WDFY2: variants seen among roughly 807,000 people sequenced by gnomAD.
The protein encoded by WDFY2 is WD repeat and FYVE domain-containing protein 2.
A neutral mutation model predicts 56.4 loss-of-function variants in WDFY2; 36 were observed. The ratio of observed to expected loss-of-function variants is 0.64; its 90% CI spans 0.49 to 0.84. WDFY2 has a LOEUF of 0.84. Among genes scored for constraint, WDFY2 ranks in the 40% least tolerant of loss-of-function variants. The pLI is 0.00. For missense variants in WDFY2, 444 were observed against 512.2 expected (o/e 0.87, Z 1.29); for synonymous variants, 176 against 183.7 (o/e 0.96, Z 0.34).
At chr13:51,685,366 C>A (rs887481989) in intron 3 of WDFY2, among the ~76,000 whole-genome samples, 2 of 152,042 alleles carry the variant, frequency 1.3e-5, no homozygotes, top group Non-Finnish European at 2.9e-5. Flanking sequence ...GGGCACTGAC[C>A]CCACCTCCCC....
intron 1 of WDFY2, among the ~76,000 whole-genome samples, chr13:51,597,763 A>T (rs921258610): frequency 6.6e-6 from 1 of 152,246 alleles, no homozygotes; most frequent in African/African-American, 2.4e-5. Flanking sequence ...TAAAAATGTT[A>T]CTTATTTGGT....
At chr13:51,708,091 AC>A (rs1417816312) in intron 4 of WDFY2, among the ~76,000 whole-genome samples, 1 of 151,048 alleles carries the variant, frequency 6.6e-6, no homozygotes, top group East Asian at 1.9e-4. Context: ...GATTACAGGC[AC>A]CCGCCACCAC....
intron 4 of WDFY2, among the ~76,000 whole-genome samples, chr13:51,715,242 C>G (rs1253174322): frequency 1.3e-5 from 2 of 152,118 alleles, no homozygotes; most frequent in African/African-American, 2.4e-5. Flanking sequence ...ACTTTATAAA[C>G]TTTTTAATTT....
At chr13:51,681,682 A>G (rs1290301111) in intron 3 of WDFY2, among the ~76,000 whole-genome samples, 2 of 152,152 alleles carry the variant, frequency 1.3e-5, no homozygotes, top group Non-Finnish European at 1.5e-5. Flanking sequence ...TATATTACAT[A>G]TGTAATATAT....
chr13:51,652,257 G>C (rs576642831), intron 1 of WDFY2, among the ~76,000 whole-genome samples: 123 of 152,180 alleles, frequency 8.1e-4, no homozygotes, highest in African/African-American at 2.8e-3. Context: ...CATTTGCTTG[G>C]TAGATCTTCC....
At chr13:51,758,342 CAT>C (rs760177170) in intron 11 of WDFY2, 42 bp downstream of exon 11, 131 of 1,442,574 alleles carry the variant, frequency 9.1e-5, no homozygotes, top group Non-Finnish European at 1.1e-4. Context: ...TCTTTGGCCT[CAT>C]ATAAATATAC....
intron 1 of WDFY2, among the ~76,000 whole-genome samples, chr13:51,605,734 C>T (rs2138323021): frequency 6.6e-6 from 1 of 152,202 alleles, no homozygotes; most frequent in East Asian, 1.9e-4. Flanking sequence ...ATGATATATC[C>T]ACACTGCGTG....
At chr13:51,645,924 AG>A (rs1955254220) in intron 1 of WDFY2, among the ~76,000 whole-genome samples, 1 of 152,184 alleles carries the variant, frequency 6.6e-6, no homozygotes, top group Non-Finnish European at 1.5e-5. Flanking sequence ...CCCTGCACTC[AG>A]GGTGTTCAAG....
intron 4 of WDFY2, among the ~76,000 whole-genome samples, chr13:51,713,929 C>G (rs2075877142): frequency 6.7e-6 from 1 of 149,724 alleles, no homozygotes; most frequent in African/African-American, 2.5e-5. Flanking sequence ...TTCATAGAGA[C>G]AGAAAGGCAA....
intron 1 of WDFY2, chr13:51,590,897 G>A (rs189337567): frequency 1.6e-3 from 238 of 152,250 alleles, no homozygotes; most frequent in African/African-American, 5.2e-3. Context: ...AATTAATTCA[G>A]AAGTATGAGA....
rs76297692 is a variant in WDFY2, at chr13:51,698,556, G to A, written c.280-5040G>A. Among the ~76,000 whole-genome samples, 78 of 152,160 alleles carry A rather than the reference G, an allele frequency of 5.1e-4. No individual in the cohort carries two copies. In the East Asian group the frequency reaches 0.011, roughly 21 times the overall value. ...GTTTAGGTAAGTCAACAACAAATAC[G>A]GTGTTAAATGCTGCAATAGCATACT... On this transcript the variant is annotated intron_variant, in intron 3 of 11. Transcript: ENST00000298125.
chr13:51,599,420 TA>T, intron 1 of WDFY2: 1 of 157,160 alleles, frequency 6.4e-6, no homozygotes. Flanking sequence ...CATGGCACAG[TA>T]AAGCTGCTCA....
At chr13:51,611,058 A>T (rs1383941513) in intron 1 of WDFY2, among the ~76,000 whole-genome samples, 1 of 152,226 alleles carries the variant, frequency 6.6e-6, no homozygotes, top group African/African-American at 2.4e-5. Context: ...TGCTAATTGG[A>T]GTCCAGCTTA....
chr13:51,696,116 C>T (rs910512543), intron 3 of WDFY2, among the ~76,000 whole-genome samples: 6 of 152,182 alleles, frequency 3.9e-5, no homozygotes, highest in African/African-American at 1.4e-4. Flanking sequence ...ACTCCCTGAC[C>T]CCTTGCGCTT....
chr13:51,672,081 G>A (rs1359038871), intron 2 of WDFY2, among the ~76,000 whole-genome samples: 1 of 152,116 alleles, frequency 6.6e-6, no homozygotes, highest in Non-Finnish European at 1.5e-5. Flanking sequence ...GCTGCAGCTG[G>A]CCTGCATTTG....
chr13:51,655,072 A>G (rs192077971), intron 1 of WDFY2, among the ~76,000 whole-genome samples: 1 of 152,232 alleles, frequency 6.6e-6, no homozygotes, highest in East Asian at 1.9e-4. Flanking sequence ...TGGCTTAATT[A>G]ATTTAATTAG....
In WDFY2 at chr13:51,765,487, T is replaced by C. The variant is rs1953718233; in HGVS notation, c.*5718T>C. On this transcript the variant is annotated 3_prime_UTR_variant, in exon 12 of 12. Transcript: ENST00000298125. ...AGTGTAGAGCCTTTGCCAGAGATGTTGAAAGGGAGATTAAAGGCTTGAGGG... is the reference window on the plus strand; with the variant it reads ...AGTGTAGAGCCTTTGCCAGAGATGTCGAAAGGGAGATTAAAGGCTTGAGGG... 6.6e-6 allele frequency: 1 copy of C among 152,204 alleles called. No homozygotes were observed. Among genetic ancestry groups the C allele is most frequent in the South Asian group, 2.1e-4 (1 of 4,818 alleles). 9.4% of individuals were successfully genotyped at this position (152,204 alleles called of 1,614,324 possible).
At chr13:51,704,795 C>T (rs990149176) in intron 4 of WDFY2, among the ~76,000 whole-genome samples, 1 of 152,104 alleles carries the variant, frequency 6.6e-6, no homozygotes, top group Non-Finnish European at 1.5e-5. Flanking sequence ...TTTAAAAATA[C>T]ATTACTTAAA....
intron 1 of WDFY2, among the ~76,000 whole-genome samples, chr13:51,617,162 A>G (rs1954634848): frequency 6.6e-6 from 1 of 152,194 alleles, no homozygotes; most frequent in Admixed American, 6.5e-5. Context: ...GTTAACTCTA[A>G]CAGAACTCTA....
Sources: allele counts gnomAD v4.1 joint callset (sites outside exome capture counted in the v4.1 genomes callset), GRCh38; gene constraint gnomAD v4.1.1; transcripts MANE v1.5; gene names NCBI Gene and HGNC (gene_info 2026-07-23, HGNC 2026-07-21).